The following KCNH7 variants were observed in gnomAD, a reference collection of about 807,000 sequenced individuals.
KCNH7 encodes the protein voltage-gated inwardly rectifying potassium channel KCNH7.
Under a neutral mutation model 120.8 loss-of-function variants are expected in KCNH7, and 49 were observed. That is an observed-to-expected ratio of 0.41 (90% confidence interval 0.32 to 0.51). The LOEUF (loss-of-function observed/expected upper bound fraction) is 0.51, where lower values mean the gene tolerates loss of function less well. Among genes scored for constraint, KCNH7 ranks in the 20% least tolerant of loss-of-function variants. The pLI, the probability that KCNH7 is intolerant of heterozygous loss-of-function variation, is 0.38. For missense variants in KCNH7, 1,097 were observed against 1,446.6 expected, an observed-to-expected ratio of 0.76 and a Z score of 3.92; for synonymous variants, 547 against 516.1, an observed-to-expected ratio of 1.06 and a Z score of -0.81.
At chr2:162,632,665 T>C (rs1442107885) in intron 2 of KCNH7, among the ~76,000 whole-genome samples, 1 of 151,802 alleles carries the variant, frequency 6.6e-6, no homozygotes, top group Non-Finnish European at 1.5e-5. Flanking sequence ...TGGAAAAGAA[T>C]TGATTCCAGA....
intron 2 of KCNH7, among the ~76,000 whole-genome samples, chr2:162,696,294 TG>T (rs1686284119): frequency 6.6e-6 from 1 of 152,174 alleles, no homozygotes; most frequent in South Asian, 2.1e-4. Context: ...ATTTTATGAA[TG>T]TTTTTAGTAA....
At chr2:162,782,912 G>A (rs140420376) in intron 2 of KCNH7, among the ~76,000 whole-genome samples, 22 of 152,224 alleles carry the variant, frequency 1.4e-4, no homozygotes, top group African/African-American at 5.3e-4. Flanking sequence ...CAGCATATGT[G>A]AGATTGGGGA....
chr2:162,652,733 C>A (rs1233892604), intron 2 of KCNH7, among the ~76,000 whole-genome samples: 1 of 152,142 alleles, frequency 6.6e-6, no homozygotes, highest in African/African-American at 2.4e-5. Context: ...GGGCTGGGGA[C>A]CCCTGTTGTA....
At chr2:162,542,548 A>G (rs1024842037) in intron 2 of KCNH7, among the ~76,000 whole-genome samples, 11 of 151,220 alleles carry the variant, frequency 7.3e-5, no homozygotes, top group Admixed American at 7.3e-4. Context: ...ATGATTTCCA[A>G]TTTCATCCAT....
chr2:162,512,777 G>A, intron 4 of KCNH7, 103 bp from the exon 5 acceptor site: 1 of 861,274 alleles, frequency 1.2e-6, no homozygotes, highest in Admixed American at 2.6e-5. Flanking sequence ...AGAGAAATCA[G>A]AATATGATGG....
intron 6 of KCNH7, among the ~76,000 whole-genome samples, chr2:162,459,295 T>C (rs1689073416): frequency 6.6e-6 from 1 of 151,980 alleles, no homozygotes; most frequent in Non-Finnish European, 1.5e-5. Flanking sequence ...CCTGAACATG[T>C]TTGTAGCTTA....
chr2:162,550,894 T>C (rs1049288106), intron 2 of KCNH7, among the ~76,000 whole-genome samples: 80 of 150,738 alleles, frequency 5.3e-4, no homozygotes, highest in African/African-American at 1.8e-3. Flanking sequence ...TAGATAATAA[T>C]AATAATAATA....
chr2:162,401,076 G>A (rs10193618), intron 9 of KCNH7, among the ~76,000 whole-genome samples: 21,416 of 151,784 alleles, frequency 0.14, 4,015 homozygotes, highest in African/African-American at 0.42. Flanking sequence ...AGTGTAGTCC[G>A]ATATTCAGAA....
intron 2 of KCNH7, among the ~76,000 whole-genome samples, chr2:162,658,249 A>T (rs1398231718): frequency 6.6e-6 from 1 of 151,956 alleles, no homozygotes; most frequent in Non-Finnish European, 1.5e-5. Context: ...CAAAAAGACA[A>T]TGTTTTTCTC....
intron 2 of KCNH7, among the ~76,000 whole-genome samples, chr2:162,778,881 G>C (rs954538706): frequency 6.6e-6 from 1 of 151,368 alleles, no homozygotes; most frequent in Non-Finnish European, 1.5e-5. Context: ...TGAGTTATAC[G>C]CATTTACTAC....
At chr2:162,596,265 G>T (rs535691570) in intron 2 of KCNH7, among the ~76,000 whole-genome samples, 3 of 152,000 alleles carry the variant, frequency 2.0e-5, no homozygotes, top group African/African-American at 7.2e-5. Flanking sequence ...TAGAGCAAAA[G>T]GACAAACTGA....
intron 7 of KCNH7, among the ~76,000 whole-genome samples, chr2:162,444,381 C>A (rs76704717): frequency 7.0e-4 from 106 of 152,160 alleles, no homozygotes; most frequent in Non-Finnish European, 1.4e-3. Flanking sequence ...GAACTGAGAG[C>A]ATCACTGAAC....
chr2:162,713,929 A>C (rs183195812), intron 2 of KCNH7, among the ~76,000 whole-genome samples: 62 of 152,068 alleles, frequency 4.1e-4, no homozygotes, highest in Admixed American at 7.2e-4. Context: ...TTCTATTTTT[A>C]GAAGAGATGG....
intron 12 of KCNH7, among the ~76,000 whole-genome samples, chr2:162,392,569 A>T (rs1686776125): frequency 6.6e-6 from 1 of 152,038 alleles, no homozygotes; most frequent in South Asian, 2.1e-4. Context: ...CTTTCCACAG[A>T]TACTTGTTGA....
intron 3 of KCNH7, among the ~76,000 whole-genome samples, chr2:162,536,019 T>C (rs1015664440): frequency 6.6e-6 from 1 of 151,796 alleles, no homozygotes; most frequent in Non-Finnish European, 1.5e-5. Flanking sequence ...AAGCTTACAA[T>C]GCATCAGAGA....
intron 2 of KCNH7, among the ~76,000 whole-genome samples, chr2:162,786,640 T>TA (rs567533363): frequency 2.0e-5 from 3 of 152,048 alleles, no homozygotes; most frequent in Non-Finnish European, 2.9e-5. Context: ...TGTCTTCAAT[T>TA]AAAAAAAATT....
intron 2 of KCNH7, among the ~76,000 whole-genome samples, chr2:162,552,119 A>AATGATGATG (rs1692688118): frequency 6.6e-6 from 1 of 152,190 alleles, no homozygotes; most frequent in Non-Finnish European, 1.5e-5. Context: ...CTCATTAGAC[A>AATGATGATG]ATGATGATGT....
At chr2:162,604,485 C>A (rs778564394) in intron 2 of KCNH7, among the ~76,000 whole-genome samples, 1 of 152,078 alleles carries the variant, frequency 6.6e-6, no homozygotes, top group Non-Finnish European at 1.5e-5. Context: ...ATTACCAGAT[C>A]CATTTCTTAA....
intron 2 of KCNH7, among the ~76,000 whole-genome samples, chr2:162,538,333 C>G (rs556493617): frequency 6.6e-6 from 1 of 152,024 alleles, no homozygotes; most frequent in South Asian, 2.1e-4. Flanking sequence ...AAGATCGGAC[C>G]CCCCTGATTT....
Sources: gnomAD v4.1 joint callset for allele counts (sites outside exome capture counted in the v4.1 genomes callset) on GRCh38, gnomAD v4.1.1 for gene constraint, MANE v1.5 for transcripts, NCBI Gene and HGNC (gene_info 2026-07-23, HGNC 2026-07-21) for gene names.